The following DIP2B variants were observed in gnomAD, a reference collection of about 807,000 sequenced individuals.
The protein encoded by DIP2B is DIP2 acetate--CoA ligase B (putative).
DIP2B carries 76 observed loss-of-function variants against 198.0 expected under a neutral mutation model. That is an observed-to-expected ratio of 0.38 (90% CI 0.32 to 0.46). DIP2B has a LOEUF of 0.46. DIP2B is among the 20% of genes least tolerant of loss of function. The pLI, the probability that DIP2B is intolerant of heterozygous loss-of-function variation, is 0.99. For missense variants in DIP2B, 1,559 were observed against 1,978.4 expected (o/e 0.79, Z 4.02); for synonymous variants, 701 against 739.1 (o/e 0.95, Z 0.84).
rs778983541 is a variant in DIP2B, at chr12:50,718,838, TA to T, written c.2961+21del. On this transcript the variant is annotated intron_variant, in intron 24 of 37. Transcript: ENST00000301180. Reference sequence around the variant, plus strand: ...AGGAAGGTAAGTGTTCCTGAAGTGTTACCTTCTTACAGTCAAGTCAAGGACA... The same window carrying T: ...AGGAAGGTAAGTGTTCCTGAAGTGTTCCTTCTTACAGTCAAGTCAAGGACA... 24 of 1,612,820 alleles carry T rather than the reference TA, an allele frequency of 1.5e-5. No homozygotes were observed. Among genetic ancestry groups the T allele is most frequent in the Non-Finnish European group, 2.0e-5 (24 of 1,179,050 alleles).
At chr12:50,615,734 A>G (rs1162325563) in intron 1 of DIP2B, among the ~76,000 whole-genome samples, 2 of 152,194 alleles carry the variant, frequency 1.3e-5, no homozygotes, top group African/African-American at 4.8e-5. Context: ...CTCATCATAA[A>G]CACTCAAGGT....
chr12:50,687,295 C>CT, intron 12 of DIP2B, among the ~76,000 whole-genome samples: 1 of 152,110 alleles, frequency 6.6e-6, no homozygotes, highest in Non-Finnish European at 1.5e-5. Flanking sequence ...GAGACTAAGA[C>CT]TTAAAAGAAT....
At chr12:50,651,148 A>G (rs181323892) in intron 3 of DIP2B, among the ~76,000 whole-genome samples, 1 of 152,132 alleles carries the variant, frequency 6.6e-6, no homozygotes, top group Non-Finnish European at 1.5e-5. Flanking sequence ...AGAAATGTCT[A>G]TTCAAGTTCT....
rs890679036 is a variant in DIP2B at position 50,581,297 on chromosome 12, TAGGC to T, written c.101-44674_101-44671del. ...AGGAATTTATTCATAAGCTAAAAAATAGGCAGGCTTTTAAGACCGCTACTGCATA... is the reference window on the plus strand; with the variant it reads ...AGGAATTTATTCATAAGCTAAAAAATAGGCTTTTAAGACCGCTACTGCATA... On this transcript the variant is annotated intron_variant, in intron 1 of 37. Transcript: ENST00000301180. Among the ~76,000 whole-genome samples, 9 of 149,564 alleles carry T rather than the reference TAGGC, an allele frequency of 6.0e-5. 1 individual carries two copies. The highest frequency in any genetic ancestry group is 2.7e-4 in the Admixed American group (4 of 14,616).
At chr12:50,668,885 A>G (rs1477514784) in intron 4 of DIP2B, among the ~76,000 whole-genome samples, 1 of 152,174 alleles carries the variant, frequency 6.6e-6, no homozygotes, top group Admixed American at 6.5e-5. Context: ...AAAATTACAC[A>G]AAATGCTTTC....
chr12:50,742,938 C>T (rs946906961), intron 37 of DIP2B, among the ~76,000 whole-genome samples: 4 of 152,046 alleles, frequency 2.6e-5, no homozygotes, highest in African/African-American at 9.7e-5. Flanking sequence ...AGTCTCTCCC[C>T]AGACCTGAAC....
At chr12:50,530,664 G>A (rs1958209117) in intron 1 of DIP2B, among the ~76,000 whole-genome samples, 1 of 152,134 alleles carries the variant, frequency 6.6e-6, no homozygotes, top group Non-Finnish European at 1.5e-5. Context: ...TAGGGAAGAG[G>A]GAATGAAAAG....
At chr12:50,731,938 G>T (rs957681316) in intron 31 of DIP2B, among the ~76,000 whole-genome samples, 1 of 152,328 alleles carries the variant, frequency 6.6e-6, no homozygotes, top group South Asian at 2.1e-4. Context: ...ATGATGATCT[G>T]TCTGACTTGC....
At chr12:50,623,679 A>G (rs918727960) in intron 1 of DIP2B, among the ~76,000 whole-genome samples, 3 of 152,114 alleles carry the variant, frequency 2.0e-5, no homozygotes, top group Non-Finnish European at 4.4e-5. Context: ...TGTTATACCT[A>G]CTGTTCTGCA....
At chr12:50,612,541 G>C (rs1014039047) in intron 1 of DIP2B, among the ~76,000 whole-genome samples, 4 of 150,118 alleles carry the variant, frequency 2.7e-5, no homozygotes, top group Non-Finnish European at 5.9e-5. Context: ...TGATTCTCCT[G>C]CCTCAGCCTC....
intron 19 of DIP2B, 78 bp downstream of exon 19, chr12:50,699,280 G>A: frequency 1.9e-6 from 3 of 1,575,730 alleles, no homozygotes; most frequent in Non-Finnish European, 1.7e-6. Context: ...CTGGTTGATG[G>A]GACATAGCAT....
intron 12 of DIP2B, among the ~76,000 whole-genome samples, 154 bp from the exon 13 acceptor site, chr12:50,690,895 G>A (rs975889333): frequency 7.0e-4 from 106 of 152,174 alleles, no homozygotes; most frequent in African/African-American, 2.5e-3. Context: ...ATTTGAGTTT[G>A]AGACCCTAGT....
rs1160692336 is a variant in DIP2B, at chr12:50,747,963, C to T, written c.*3124C>T. 1 of 152,642 alleles carries T rather than the reference C, an allele frequency of 6.6e-6. No homozygotes were observed. Among genetic ancestry groups the T allele is most frequent in the Non-Finnish European group, 1.5e-5 (1 of 68,072 alleles). The allele number at this position is 152,642 out of a possible 1,614,324, so 9.5% of individuals were successfully genotyped here. A position where few individuals can be genotyped will look rare whatever the true frequency, so the allele number is the denominator to read the frequency against. ...CCTGCCTCATAAAGGGCCAGGTCTC[C>T]CCAGTACCAAGTCCTTTCCTCATGA... On this transcript the variant is annotated 3_prime_UTR_variant, in exon 38 of 38. Transcript: ENST00000301180.
chr12:50,592,987 C>G (rs183478670), intron 1 of DIP2B, among the ~76,000 whole-genome samples: 1 of 152,136 alleles, frequency 6.6e-6, no homozygotes, highest in African/African-American at 2.4e-5. Context: ...GACAAGTTGT[C>G]AGTGTTAGTC....
At chr12:50,693,174 G>C (rs1007713565) in intron 14 of DIP2B, among the ~76,000 whole-genome samples, 161 bp downstream of exon 14, 5 of 152,206 alleles carry the variant, frequency 3.3e-5, no homozygotes, top group Non-Finnish European at 1.5e-5. Flanking sequence ...TGGACAGAAT[G>C]TTTTGAATGA....
At chr12:50,688,939 G>A (rs1939176929) in intron 12 of DIP2B, among the ~76,000 whole-genome samples, 1 of 152,104 alleles carries the variant, frequency 6.6e-6, no homozygotes, top group Non-Finnish European at 1.5e-5. Flanking sequence ...CTGTTATTTT[G>A]AATTAACTTG....
At chr12:50,609,594 T>G (rs909938390) in intron 1 of DIP2B, among the ~76,000 whole-genome samples, 1 of 152,230 alleles carries the variant, frequency 6.6e-6, no homozygotes, top group Non-Finnish European at 1.5e-5. Context: ...ACCCATTCCA[T>G]TTAAGAGCAA....
intron 33 of DIP2B, 83 bp downstream of exon 33, chr12:50,734,279 A>T: frequency 4.3e-6 from 6 of 1,410,426 alleles, no homozygotes; most frequent in Non-Finnish European, 6.0e-6. Flanking sequence ...ATTTTCCCTC[A>T]TTCCTTTTGT....
intron 1 of DIP2B, among the ~76,000 whole-genome samples, chr12:50,550,774 ATGT>A (rs1365574693): frequency 1.3e-5 from 2 of 152,188 alleles, no homozygotes; most frequent in Non-Finnish European, 2.9e-5. Flanking sequence ...AGCTAGTAAC[ATGT>A]TGTTCTTCTA....
Sources: allele counts gnomAD v4.1 joint callset (sites outside exome capture counted in the v4.1 genomes callset), GRCh38; gene constraint gnomAD v4.1.1; transcripts MANE v1.5; gene names NCBI Gene and HGNC (gene_info 2026-07-23, HGNC 2026-07-21).